Variants in DRC12 observed in about 807,000 individuals in gnomAD.
DRC12 encodes dynein regulatory complex subunit 12 homolog.
At chr11:119,190,987 T>C in the DRC12 span, 2 of 968,996 alleles carry the variant, frequency 2.1e-6, no homozygotes, top group East Asian at 2.6e-5. The surrounding 1 kb of genome is among the most constrained non-coding windows in gnomAD (Gnocchi z 4.2). Context: ...CTGTAAAAGC[T>C]GAAGCTCCAC....
At chr11:119,190,494 G>A in the DRC12 span, 7 of 1,611,558 alleles carry the variant, frequency 4.3e-6, no homozygotes, top group Admixed American at 1.0e-4. This position sits in a 1 kb window ranked among gnomAD's most constrained non-coding sequence, Gnocchi z 4.2. Flanking sequence ...GAGAGAGAGG[G>A]AAGGAGTGAG....
At chr11:119,194,016 G>A in the DRC12 span, 1 of 897,632 alleles carries the variant, frequency 1.1e-6, no homozygotes, top group Non-Finnish European at 1.6e-6. Flanking sequence ...CTCTCTCTGG[G>A]TTTTGTTGTT....
chr11:119,195,499 C>A, the DRC12 span: 1 of 1,549,236 alleles, frequency 6.5e-7, no homozygotes, highest in South Asian at 1.2e-5. Context: ...TCCTTGCTGT[C>A]CTGGGAGAAG....
the DRC12 span, chr11:119,193,444 C>G: frequency 3.2e-6 from 3 of 937,214 alleles, no homozygotes; most frequent in Non-Finnish European, 4.7e-6. Flanking sequence ...CCTACCTCCC[C>G]CAGTCCAGCT....
At chr11:119,193,384 T>G in the DRC12 span, 1 of 845,582 alleles carries the variant, frequency 1.2e-6, no homozygotes, top group South Asian at 1.6e-5. Context: ...TTTTTGTGAT[T>G]CTGAGAAGCT....
At chr11:119,193,705 C>T in the DRC12 span, 4 of 1,541,142 alleles carry the variant, frequency 2.6e-6, no homozygotes, top group South Asian at 3.6e-5. Context: ...ATCAACTGAC[C>T]CTGTTGGTTG....
At chr11:119,194,515 CAAAAAAAAAAAAA>C in the DRC12 span, among the ~76,000 whole-genome samples, 2 of 27,484 alleles carry the variant, frequency 7.3e-5, no homozygotes, top group Non-Finnish European at 1.1e-4. Flanking sequence ...GACTCTGTCT[CAAAAAAAAAAAAA>C]AAAAAAAAAA....
At chr11:119,193,336 G>C in the DRC12 span, 1 of 1,095,034 alleles carries the variant, frequency 9.1e-7, no homozygotes, top group Non-Finnish European at 1.4e-6. Flanking sequence ...GACTCTACTT[G>C]GTCTAGTGGA....
chr11:119,192,961 C>A, the DRC12 span, among the ~76,000 whole-genome samples: 1 of 152,124 alleles, frequency 6.6e-6, no homozygotes, highest in Non-Finnish European at 1.5e-5. Context: ...TCTTTACTTA[C>A]AGCAGAGATT....
At chr11:119,194,783 CA>C in the DRC12 span, 2 of 586,986 alleles carry the variant, frequency 3.4e-6, no homozygotes, top group East Asian at 5.8e-5. Flanking sequence ...CACCCTCTCT[CA>C]TCATCTTTTT....
At chr11:119,193,603 G>T in the DRC12 span, 9 of 1,438,452 alleles carry the variant, frequency 6.3e-6, no homozygotes, top group African/African-American at 1.4e-5. Context: ...ACCTGCCTTT[G>T]GTTCCTGCAG....
the DRC12 span, among the ~76,000 whole-genome samples, chr11:119,191,009 G>A: frequency 6.6e-6 from 1 of 152,148 alleles, no homozygotes; most frequent in Non-Finnish European, 1.5e-5. Flanking sequence ...GAGGTATATA[G>A]CAGAGAGTGG....
the DRC12 span, chr11:119,190,686 TG>T: frequency 6.8e-6 from 11 of 1,607,154 alleles, no homozygotes; most frequent in Non-Finnish European, 9.4e-6. This position sits in a 1 kb window ranked among gnomAD's most constrained non-coding sequence, Gnocchi z 4.2. Flanking sequence ...CTGGGATGGC[TG>T]GGATCCAGGG....
At chr11:119,190,756 C>G in the DRC12 span, 1 of 1,614,086 alleles carries the variant, frequency 6.2e-7, no homozygotes, top group Non-Finnish European at 8.5e-7. The surrounding 1 kb of genome is among the most constrained non-coding windows in gnomAD (Gnocchi z 4.2). Context: ...CATGTGGGCC[C>G]GAAGCTGAGC....
At chr11:119,193,335 T>A in the DRC12 span, 1 of 1,098,158 alleles carries the variant, frequency 9.1e-7, no homozygotes, top group Non-Finnish European at 1.4e-6. Context: ...AGACTCTACT[T>A]GGTCTAGTGG....
the DRC12 span, chr11:119,190,357 T>C: frequency 6.2e-7 from 1 of 1,613,984 alleles, no homozygotes; most frequent in East Asian, 2.2e-5. The surrounding 1 kb of genome is among the most constrained non-coding windows in gnomAD (Gnocchi z 4.2). Flanking sequence ...CAAACTGGCG[T>C]TGCTGCTCCT....
chr11:119,194,041 C>T, the DRC12 span, among the ~76,000 whole-genome samples: 1 of 152,150 alleles, frequency 6.6e-6, no homozygotes, highest in Non-Finnish European at 1.5e-5. Context: ...TTTTTTATCC[C>T]TAGAGTCTCA....
At chr11:119,190,697 G>C in the DRC12 span, 1 of 1,611,196 alleles carries the variant, frequency 6.2e-7, no homozygotes, top group East Asian at 2.2e-5. The surrounding 1 kb of genome is among the most constrained non-coding windows in gnomAD (Gnocchi z 4.2). Flanking sequence ...GGGATCCAGG[G>C]GGTGGTGCTT....
chr11:119,191,785 C>T, the DRC12 span, among the ~76,000 whole-genome samples: 7 of 151,794 alleles, frequency 4.6e-5, no homozygotes, highest in East Asian at 2.0e-4. Context: ...CCAGAATGAG[C>T]GACCAGAGTG....
Sources: allele counts gnomAD v4.1 joint callset (sites outside exome capture counted in the v4.1 genomes callset), GRCh38; gene constraint gnomAD v4.1.1; non-coding constraint Gnocchi (gnomAD v3.1); transcripts MANE v1.5; gene names NCBI Gene and HGNC (gene_info 2026-07-23, HGNC 2026-07-21).